The following MYO16 variants were observed in gnomAD, a reference collection of about 807,000 sequenced individuals.
MYO16 encodes unconventional myosin-XVI.
A neutral mutation model predicts 205.3 loss-of-function variants in MYO16; 94 were observed. That is an observed-to-expected ratio of 0.46 (90% CI 0.39 to 0.54). MYO16 has a LOEUF of 0.54. Among genes scored for constraint, MYO16 ranks in the 20% least tolerant of loss-of-function variants. The pLI, the probability that MYO16 is intolerant of heterozygous loss-of-function variation, is 0.00. For missense variants in MYO16, 2,315 were observed against 2,387.5 expected (o/e 0.97, Z 0.63); for synonymous variants, 988 against 954.0 (o/e 1.04, Z -0.66).
chr13:108,804,217 C>T (rs1019553157), intron 6 of MYO16, among the ~76,000 whole-genome samples: 1 of 152,154 alleles, frequency 6.6e-6, no homozygotes, highest in Admixed American at 6.5e-5. Context: ...GCTTTTATAC[C>T]TAATGTTTTA....
At chr13:108,855,904 A>C (rs1046254005) in intron 11 of MYO16, among the ~76,000 whole-genome samples, 58 of 152,210 alleles carry the variant, frequency 3.8e-4, no homozygotes, top group African/African-American at 1.4e-3. Context: ...ACTTTTCTTG[A>C]ACCTGCTAGA....
At chr13:108,669,975 T>G (rs1443127731) in intron 2 of MYO16, among the ~76,000 whole-genome samples, 2 of 152,100 alleles carry the variant, frequency 1.3e-5, no homozygotes, top group African/African-American at 4.8e-5. Context: ...CTAATGTACA[T>G]GGGGCTTAAA....
rs1555335519 is a variant in MYO16, at chr13:108,652,053, T to TG, written c.29-13833_29-13832insG. Among the ~76,000 whole-genome samples, 531 of 151,280 alleles carry TG rather than the reference T, an allele frequency of 3.5e-3. 4 individuals are homozygous for TG. The highest frequency in any genetic ancestry group is 0.012 in the African/African-American group (507 of 41,180). On this transcript the variant is annotated intron_variant, in intron 1 of 34. Coordinates refer to ENST00000457511, the MANE Select transcript of MYO16 (RefSeq NM_001198950.3). Reference sequence around the variant, plus strand: ...TGTTTCATCGTCATTGTATATGCAGTAAAAAAAAAGTCTTTGGAAGAGTGT... The same window carrying TG: ...TGTTTCATCGTCATTGTATATGCAGTGAAAAAAAAAGTCTTTGGAAGAGTGT...
chr13:108,957,487 T>C (rs1030728938), intron 16 of MYO16, among the ~76,000 whole-genome samples: 1 of 151,996 alleles, frequency 6.6e-6, no homozygotes, highest in African/African-American at 2.4e-5. Flanking sequence ...TGTAAATATG[T>C]CCTGGTACAA....
intron 20 of MYO16, among the ~76,000 whole-genome samples, chr13:108,972,815 A>G (rs1884104801): frequency 6.6e-6 from 1 of 151,990 alleles, no homozygotes; most frequent in Non-Finnish European, 1.5e-5. Context: ...GTTAGAAACA[A>G]TGATATTTCC....
intron 1 of MYO16, among the ~76,000 whole-genome samples, chr13:108,638,745 T>G (rs1880369822): frequency 6.6e-6 from 1 of 152,134 alleles, no homozygotes; most frequent in Admixed American, 6.6e-5. Context: ...TACAAGAAAT[T>G]CACAATCGAG....
intron 16 of MYO16, among the ~76,000 whole-genome samples, chr13:108,947,177 A>G (rs1257857982): frequency 1.3e-5 from 2 of 152,174 alleles, no homozygotes; most frequent in African/African-American, 2.4e-5. Context: ...GAAGATGCCT[A>G]TGTTAGTCGG....
intron 24 of MYO16, chr13:109,048,288 A>T (rs1368672050): frequency 2.9e-6 from 2 of 698,938 alleles, no homozygotes; most frequent in African/African-American, 1.8e-5. Flanking sequence ...AAATTTGTAC[A>T]AAAAAAAGTT....
intron 16 of MYO16, among the ~76,000 whole-genome samples, chr13:108,937,255 C>T (rs1375884651): frequency 6.6e-6 from 1 of 150,982 alleles, no homozygotes; most frequent in Non-Finnish European, 1.5e-5. Flanking sequence ...ATATGATCTG[C>T]TTTTCTCTCT....
chr13:108,931,550 A>G (rs971610377), intron 16 of MYO16, among the ~76,000 whole-genome samples: 1 of 152,148 alleles, frequency 6.6e-6, no homozygotes, highest in Admixed American at 6.5e-5. Flanking sequence ...CTCTGTGTGT[A>G]TCTGTACTGT....
At chr13:108,737,162 T>A (rs540709679) in intron 4 of MYO16, among the ~76,000 whole-genome samples, 1 of 152,332 alleles carries the variant, frequency 6.6e-6, no homozygotes, top group Non-Finnish European at 1.5e-5. Flanking sequence ...TGGACAGAAC[T>A]TCCAACACTA....
chr13:109,028,374 T>C (rs772294502), intron 23 of MYO16: 4 of 299,724 alleles, frequency 1.3e-5, no homozygotes, highest in Non-Finnish European at 2.6e-5. Flanking sequence ...CAAAATGTTT[T>C]AGTTTATGTT....
chr13:108,810,585 C>A (rs909684950), intron 7 of MYO16, among the ~76,000 whole-genome samples: 1 of 152,038 alleles, frequency 6.6e-6, no homozygotes, highest in African/African-American at 2.4e-5. Flanking sequence ...AAAAAGATGT[C>A]ATTTAGTATG....
the MYO16 span, among the ~76,000 whole-genome samples, chr13:108,520,179 A>G: frequency 2.6e-5 from 4 of 151,890 alleles, no homozygotes; most frequent in Non-Finnish European, 5.9e-5. Flanking sequence ...ATTTAATATC[A>G]CCATCATGGT....
intron 9 of MYO16, among the ~76,000 whole-genome samples, chr13:108,837,864 G>A (rs531318837): frequency 4.0e-4 from 61 of 152,120 alleles, no homozygotes; most frequent in African/African-American, 1.4e-3. Flanking sequence ...TTTCTACTTG[G>A]TGATTTTTTT....
At chr13:109,001,155 A>G (rs1418214792) in intron 21 of MYO16, among the ~76,000 whole-genome samples, 2 of 151,300 alleles carry the variant, frequency 1.3e-5, no homozygotes, top group African/African-American at 4.9e-5. Context: ...TGATTCCTTT[A>G]AGAAATAGTA....
At position 108,711,701 on chromosome 13, in the gene MYO16, A is replaced by G. The variant is rs115979610; in HGVS notation, c.293-960A>G. On this transcript the variant is annotated intron_variant, in intron 2 of 34. Coordinates refer to ENST00000457511, the MANE Select transcript of MYO16 (RefSeq NM_001198950.3). ...GAACACATAAAAGAATTGGAGTGCC[A>G]TAGGAAAGAAGGCCCCTTCAGGCAA... Among the ~76,000 whole-genome samples, 439 of 152,358 alleles carry G rather than the reference A, an allele frequency of 2.9e-3. 1 individual carries two copies. Among genetic ancestry groups the G allele is most frequent in the African/African-American group, 8.3e-3 (344 of 41,592 alleles).
the MYO16 span, among the ~76,000 whole-genome samples, chr13:108,576,117 GGTAAGCTGAAGTT>G: frequency 6.6e-6 from 1 of 152,098 alleles, no homozygotes. Context: ...CAGAGAAGCT[GGTAAGCTGAAGTT>G]CCAAAACTAC....
At chr13:109,190,509 CAAT>C (rs1370748888) in intron 34 of MYO16, among the ~76,000 whole-genome samples, 1 of 152,152 alleles carries the variant, frequency 6.6e-6, no homozygotes, top group African/African-American at 2.4e-5. Context: ...ACACAAAGCA[CAAT>C]AATTTGTCAG....
Sources: allele counts gnomAD v4.1 joint callset (sites outside exome capture counted in the v4.1 genomes callset), GRCh38; gene constraint gnomAD v4.1.1; transcripts MANE v1.5; gene names NCBI Gene and HGNC (gene_info 2026-07-23, HGNC 2026-07-21).